Variants in RMDN2 observed in about 807,000 individuals in gnomAD.
RMDN2 encodes regulator of microtubule dynamics protein 2.
Under a neutral mutation model 52.8 loss-of-function variants are expected in RMDN2, and 61 were observed. The ratio of observed to expected loss-of-function variants is 1.16; its 90% CI spans 0.94 to 1.43. RMDN2 has a LOEUF of 1.43. Ranked by LOEUF, RMDN2 falls within the 40% of genes most tolerant of loss-of-function variation. The probability of loss-of-function intolerance (pLI) is 0.00; values close to 1 mark genes in which losing one functional copy is unlikely to be tolerated. For synonymous variants in RMDN2, 180 were observed against 153.1 expected, an observed-to-expected ratio of 1.18 and a Z score of -1.30; for missense variants, 592 against 475.3, an observed-to-expected ratio of 1.25 and a Z score of -2.28.
At chr2:37,950,590 C>CA (rs1337929779) in intron 2 of RMDN2, 1 of 1,613,030 alleles carries the variant, frequency 6.2e-7, no homozygotes, top group African/African-American at 1.3e-5. Context: ...TGGGAAAGTG[C>CA]TTAAGGTAAG....
chr2:37,929,744 G>A lies in RMDN2; in HGVS notation c.452+15G>A, dbSNP rs555306537. ...AGTGAAGGAGGGTAAGTTTCTTTAA[G>A]ATATTTCCTATGTTGAATTGGTTAT... On this transcript the variant is annotated intron_variant, in intron 2 of 10. Coordinates refer to ENST00000354545, the MANE Select transcript of RMDN2 (RefSeq NM_001170791.3). 83 of 1,461,250 alleles carry A rather than the reference G, an allele frequency of 5.7e-5. No homozygotes were observed. The highest frequency in any genetic ancestry group is 5.3e-4 in the Middle Eastern group (3 of 5,624). 90.5% of individuals were successfully genotyped at this position (1,461,250 alleles called of 1,614,324 possible). A position where few individuals can be genotyped will look rare whatever the true frequency, so the allele number is the denominator to read the frequency against.
intron 2 of RMDN2, chr2:37,952,136 T>C (rs370487528): frequency 6.2e-7 from 1 of 1,613,220 alleles, no homozygotes; most frequent in East Asian, 2.2e-5. Context: ...TGTTTGAAGA[T>C]GAAGACTTTG....
At chr2:38,042,299 C>T (rs1681002261) in intron 10 of RMDN2, among the ~76,000 whole-genome samples, 1 of 151,840 alleles carries the variant, frequency 6.6e-6, no homozygotes, top group Non-Finnish European at 1.5e-5. Flanking sequence ...ATAAACCCTC[C>T]CCAATCTCTG....
intron 5 of RMDN2, among the ~76,000 whole-genome samples, chr2:37,986,645 A>T (rs1333140129): frequency 6.6e-6 from 1 of 152,138 alleles, no homozygotes; most frequent in African/African-American, 2.4e-5. Context: ...AATTACTATA[A>T]TCCACCACAT....
intron 10 of RMDN2, among the ~76,000 whole-genome samples, chr2:38,063,329 A>G (rs572709857): frequency 3.1e-3 from 470 of 152,294 alleles, no homozygotes; most frequent in Admixed American, 4.1e-3. Flanking sequence ...GTGAGATGGT[A>G]TCTCATTGTG....
chr2:37,949,163 C>T (rs879623831), intron 2 of RMDN2, among the ~76,000 whole-genome samples: 2 of 152,148 alleles, frequency 1.3e-5, no homozygotes, highest in Admixed American at 1.3e-4. Context: ...ACAGACAGTC[C>T]TCCTTGGGCT....
intron 10 of RMDN2, among the ~76,000 whole-genome samples, chr2:38,045,075 G>T (rs1359484070): frequency 6.6e-6 from 1 of 151,856 alleles, no homozygotes; most frequent in Non-Finnish European, 1.5e-5. Context: ...TCAAGAGTAG[G>T]TTTATATAAC....
rs544472317 is a variant in RMDN2 at position 37,966,056 on chromosome 2, C to T, written c.453-7984C>T. 4.6e-5 allele frequency among the ~76,000 whole-genome samples: 7 copies of T among 152,242 alleles called. 1 individual carries two copies. The highest frequency in any genetic ancestry group is 2.9e-5 in the Non-Finnish European group (2 of 68,016). ...CTTTTGAGATTCTTTTTGTCTTTAG[C>T]ATTCAGTACTTTAAGTATGATATTC... On this transcript the variant is annotated intron_variant, in intron 2 of 10. Transcript: ENST00000354545.
At chr2:38,063,430 A>G (rs1387233182) in intron 10 of RMDN2, among the ~76,000 whole-genome samples, 1 of 152,190 alleles carries the variant, frequency 6.6e-6, no homozygotes, top group Admixed American at 6.5e-5. Flanking sequence ...TAAATGTTAG[A>G]CCTAAAACCA....
chr2:37,985,295 G>A (rs1380489203), intron 5 of RMDN2, among the ~76,000 whole-genome samples: 1 of 152,162 alleles, frequency 6.6e-6, no homozygotes, highest in East Asian at 1.9e-4. Context: ...CGGTTAGATG[G>A]GTTGTTTTGT....
intron 10 of RMDN2, among the ~76,000 whole-genome samples, chr2:38,054,482 A>G (rs879821710): frequency 9.9e-5 from 15 of 152,254 alleles, no homozygotes; most frequent in Non-Finnish European, 2.9e-5. Context: ...ATCATAGGTG[A>G]TGCATTATGG....
chr2:37,980,000 C>A (rs1021719762), intron 4 of RMDN2, among the ~76,000 whole-genome samples: 1 of 152,108 alleles, frequency 6.6e-6, no homozygotes, highest in South Asian at 2.1e-4. Context: ...TCGATTTCTA[C>A]ACAGAATATT....
chr2:38,047,734 TA>T (rs1240388841), intron 10 of RMDN2, among the ~76,000 whole-genome samples: 2 of 152,170 alleles, frequency 1.3e-5, no homozygotes, highest in Non-Finnish European at 2.9e-5. Flanking sequence ...AACTTTAAAA[TA>T]AAAAAACCTC....
At chr2:37,969,522 T>A (rs924889072) in intron 2 of RMDN2, among the ~76,000 whole-genome samples, 2 of 151,658 alleles carry the variant, frequency 1.3e-5, no homozygotes, top group South Asian at 2.1e-4. Flanking sequence ...TTATAGAGTA[T>A]AAGAACAAAA....
intron 8 of RMDN2, 137 bp downstream of exon 8, chr2:37,997,651 C>T (rs1675751811): frequency 1.6e-6 from 1 of 637,676 alleles, no homozygotes; most frequent in Non-Finnish European, 2.8e-6. Context: ...CTGTTTTAAG[C>T]CCCTCATAAT....
chr2:37,966,230 A>G (rs1671029708), intron 2 of RMDN2, among the ~76,000 whole-genome samples: 1 of 152,046 alleles, frequency 6.6e-6, no homozygotes, highest in Non-Finnish European at 1.5e-5. Context: ...CATCCTGGCT[A>G]ACACGGTGAA....
At chr2:37,956,453 T>G (rs1014668866) in intron 2 of RMDN2, among the ~76,000 whole-genome samples, 3 of 152,138 alleles carry the variant, frequency 2.0e-5, no homozygotes, top group Non-Finnish European at 4.4e-5. Flanking sequence ...AGCTAAAGGT[T>G]TATCAATTTT....
At chr2:38,054,571 A>G (rs1326077353) in intron 10 of RMDN2, among the ~76,000 whole-genome samples, 2 of 152,228 alleles carry the variant, frequency 1.3e-5, no homozygotes, top group Admixed American at 6.5e-5. Context: ...GTCTTACATC[A>G]CAAGATTAAT....
At chr2:38,027,490 G>C (rs116536565) in intron 10 of RMDN2, 1 of 152,026 alleles carries the variant, frequency 6.6e-6, no homozygotes, top group African/African-American at 2.4e-5. Context: ...TTATTTTATA[G>C]ATTAAAAAAA....
Sources: allele counts gnomAD v4.1 joint callset (sites outside exome capture counted in the v4.1 genomes callset), GRCh38; gene constraint gnomAD v4.1.1; transcripts MANE v1.5; gene names NCBI Gene and HGNC (gene_info 2026-07-23, HGNC 2026-07-21).